TTC7B: variants seen among roughly 807,000 people sequenced by gnomAD.
TTC7B encodes tetratricopeptide repeat domain 7B.
In TTC7B, 28 loss-of-function variants were observed where a neutral mutation model predicts 106.8. The ratio of observed to expected loss-of-function variants is 0.26; its 90% confidence interval spans 0.19 to 0.36. The LOEUF (loss-of-function observed/expected upper bound fraction) is 0.36, where lower values mean the gene tolerates loss of function less well. Ranked by LOEUF, TTC7B falls within the 10% of genes least tolerant of loss-of-function variation. TTC7B has a pLI of 1.00. For synonymous variants in TTC7B, 405 were observed against 430.6 expected, an observed-to-expected ratio of 0.94 and a Z score of 0.74; for missense variants, 862 against 1,076.4, an observed-to-expected ratio of 0.80 and a Z score of 2.79.
chr14:90,812,946 C>T (rs2030980080), intron 1 of TTC7B, among the ~76,000 whole-genome samples: 2 of 152,162 alleles, frequency 1.3e-5, no homozygotes, highest in African/African-American at 4.8e-5. Context: ...CCGTAAGGAG[C>T]TAATGCTGCT....
intron 19 of TTC7B, among the ~76,000 whole-genome samples, chr14:90,558,960 C>A (rs142624382): frequency 6.6e-6 from 1 of 152,198 alleles, no homozygotes; most frequent in Non-Finnish European, 1.5e-5. Flanking sequence ...TGCATAGGGG[C>A]GCGGAAATGA....
chr14:90,698,990 T>C (rs1887876132), intron 5 of TTC7B: 1 of 343,064 alleles, frequency 2.9e-6, no homozygotes, highest in Admixed American at 4.3e-5. Flanking sequence ...TCTGGTTTTA[T>C]CCTCCTCCTG....
intron 15 of TTC7B, among the ~76,000 whole-genome samples, chr14:90,622,052 G>A (rs370381207): frequency 9.9e-5 from 15 of 151,700 alleles, no homozygotes; most frequent in African/African-American, 3.1e-4. Context: ...CTGTCAACAC[G>A]ATGAAGAGGG....
chr14:90,554,365 G>A (rs1466519598), intron 19 of TTC7B, among the ~76,000 whole-genome samples: 1 of 152,240 alleles, frequency 6.6e-6, no homozygotes, highest in Non-Finnish European at 1.5e-5. Context: ...GAAGCCCGGA[G>A]AGGGTAAGTG....
At chr14:90,670,448 G>A (rs1218813242) in intron 9 of TTC7B, among the ~76,000 whole-genome samples, 1 of 152,148 alleles carries the variant, frequency 6.6e-6, no homozygotes, top group Non-Finnish European at 1.5e-5. Flanking sequence ...GCACAACATC[G>A]TGAATGTAAT....
rs539509231 is a variant in TTC7B at position 90,535,425 on chromosome 14, T to G, written c.*5943A>C. On this transcript the variant is annotated 3_prime_UTR_variant, in exon 20 of 20. Transcript: ENST00000328459. ...TGGGTGCCCCGTCCCCAGGGCTCCCTGGCTTGGGGGTACCCAGGCCTCTGC... is the reference window on the plus strand; with the variant it reads ...TGGGTGCCCCGTCCCCAGGGCTCCCGGGCTTGGGGGTACCCAGGCCTCTGC... The G allele has an allele frequency of 2.6e-5, 4 of 152,616 alleles. No individual in the cohort carries two copies. Among genetic ancestry groups the G allele is most frequent in the African/African-American group, 9.6e-5 (4 of 41,562 alleles). 9.5% of individuals were successfully genotyped at this position (152,616 alleles called of 1,614,324 possible). A position where few individuals can be genotyped will look rare whatever the true frequency, so the allele number is the denominator to read the frequency against.
intron 18 of TTC7B, among the ~76,000 whole-genome samples, chr14:90,581,558 C>T (rs1216423244): frequency 4.6e-5 from 7 of 152,156 alleles, no homozygotes; most frequent in East Asian, 1.9e-4. Flanking sequence ...TCTCATTGCA[C>T]GCCTGGCTCC....
At chr14:90,690,727 T>C (rs1887437905) in intron 6 of TTC7B, among the ~76,000 whole-genome samples, 1 of 152,238 alleles carries the variant, frequency 6.6e-6, no homozygotes, top group Non-Finnish European at 1.5e-5. Context: ...TCTTTGAAGA[T>C]GCAGACAAAG....
At chr14:90,750,529 C>A (rs1422462709) in intron 3 of TTC7B, among the ~76,000 whole-genome samples, 1 of 152,162 alleles carries the variant, frequency 6.6e-6, no homozygotes, top group African/African-American at 2.4e-5. Context: ...GAAAACCAAT[C>A]ATCTAGGGCA....
chr14:90,695,107 A>ATTATAAAATATATTTTATT (rs1887677788), intron 6 of TTC7B, among the ~76,000 whole-genome samples: 7 of 111,402 alleles, frequency 6.3e-5, no homozygotes, highest in African/African-American at 2.3e-4. Context: ...ATTTTATTTT[A>ATTATAAAATATATTTTATT]TTATAAAATA....
intron 1 of TTC7B, among the ~76,000 whole-genome samples, chr14:90,793,054 C>G (rs193110704): frequency 2.0e-5 from 3 of 152,148 alleles, no homozygotes; most frequent in Non-Finnish European, 4.4e-5. Context: ...ATGCTGTTCT[C>G]ATGAGACTGT....
In TTC7B at chr14:90,805,734, C is replaced by A. The variant is rs551375246; in HGVS notation, c.121+10441G>T. ...GATAAAGCCTGAAGCCGAATAGAGA[C>A]CACTAGTGAGACTCTCATCAAAGAG... On this transcript the variant is annotated intron_variant, in intron 1 of 19. Transcript: ENST00000328459. The surrounding 1 kb of genome is among the most constrained non-coding windows in gnomAD (Gnocchi z 4.0). Among the ~76,000 whole-genome samples the A allele has an allele frequency of 8.5e-5, 13 of 152,360 alleles. No individual in the cohort carries two copies. Among genetic ancestry groups the A allele is most frequent in the East Asian group, 3.9e-4 (2 of 5,182 alleles).
chr14:90,779,259 C>T (rs894106963), intron 3 of TTC7B, among the ~76,000 whole-genome samples: 1 of 152,168 alleles, frequency 6.6e-6, no homozygotes. Flanking sequence ...CCATCCCTAG[C>T]TTTTACTATT....
intron 19 of TTC7B, among the ~76,000 whole-genome samples, chr14:90,542,882 G>A (rs1889668237): frequency 6.6e-6 from 1 of 152,108 alleles, no homozygotes; most frequent in Non-Finnish European, 1.5e-5. Context: ...CTGGGTAAGA[G>A]GATATGACTC....
At chr14:90,720,791 C>A (rs1204903162) in intron 5 of TTC7B, among the ~76,000 whole-genome samples, 1 of 152,184 alleles carries the variant, frequency 6.6e-6, no homozygotes, top group African/African-American at 2.4e-5. Context: ...ATAGTATTAT[C>A]TTCCCCTTTC....
At chr14:90,628,645 TG>T (rs1884556333) in intron 15 of TTC7B, among the ~76,000 whole-genome samples, 2 of 152,194 alleles carry the variant, frequency 1.3e-5, no homozygotes, top group African/African-American at 2.4e-5. Context: ...GGAAGGGGCC[TG>T]GCAGGGCACT....
At chr14:90,705,356 G>A (rs35841013) in intron 5 of TTC7B, among the ~76,000 whole-genome samples, 20,900 of 152,018 alleles carry the variant, frequency 0.14, 1,758 homozygotes, top group Middle Eastern at 0.22. Context: ...GCAGGAATTC[G>A]TTACTCGCAA....
chr14:90,721,510 T>G (rs1342943253), intron 5 of TTC7B, among the ~76,000 whole-genome samples: 1 of 150,900 alleles, frequency 6.6e-6, no homozygotes, highest in Non-Finnish European at 1.5e-5. Flanking sequence ...CATAATTACG[T>G]CTAGACTTGC....
intron 1 of TTC7B, among the ~76,000 whole-genome samples, chr14:90,796,967 T>A (rs1447549270): frequency 1.3e-5 from 2 of 151,320 alleles, no homozygotes; most frequent in Non-Finnish European, 3.0e-5. Flanking sequence ...TGCCTCAGCC[T>A]CCCGAGTAGC....
Sources: allele counts gnomAD v4.1 joint callset (sites outside exome capture counted in the v4.1 genomes callset), GRCh38; gene constraint gnomAD v4.1.1; non-coding constraint Gnocchi (gnomAD v3.1); transcripts MANE v1.5; gene names NCBI Gene and HGNC (gene_info 2026-07-23, HGNC 2026-07-21).